Variants in ZNF516 observed in about 807,000 individuals in gnomAD.
The protein encoded by ZNF516 is zinc finger protein 516.
ZNF516 carries 19 observed loss-of-function variants against 79.7 expected under a neutral mutation model. The ratio of observed to expected loss-of-function variants is 0.24; its 90% CI spans 0.17 to 0.35. The LOEUF (loss-of-function observed/expected upper bound fraction) is 0.35, where lower values mean the gene tolerates loss of function less well. Among genes scored for constraint, ZNF516 ranks in the 10% least tolerant of loss-of-function variants. ZNF516 has a pLI of 1.00. For synonymous variants in ZNF516, 877 were observed against 739.5 expected, an observed-to-expected ratio of 1.19 and a Z score of -3.02; for missense variants, 1,678 against 1,679.5, an observed-to-expected ratio of 1.00 and a Z score of 0.02.
chr18:76,452,080 G>A (rs751278136), intron 2 of ZNF516, among the ~76,000 whole-genome samples: 7 of 152,076 alleles, frequency 4.6e-5, no homozygotes, highest in African/African-American at 1.2e-4. Flanking sequence ...AATAAAAGGC[G>A]ACCAGAATCG....
intron 4 of ZNF516, 82 bp from the exon 5 acceptor site, chr18:76,371,653 C>A: frequency 8.9e-7 from 1 of 1,124,828 alleles, no homozygotes; most frequent in Non-Finnish European, 1.3e-6. Flanking sequence ...GAGGGGGAAG[C>A]GAGAGGAAAA....
upstream of ZNF516, chr18:76,495,673 C>A: frequency 8.5e-7 from 1 of 1,179,872 alleles, no homozygotes; most frequent in Non-Finnish European, 1.1e-6. Context: ...CGTTTCCGCG[C>A]GCACACGCGC....
At chr18:76,441,111 T>C in intron 3 of ZNF516, 134 bp downstream of exon 3, 1 of 1,310,300 alleles carries the variant, frequency 7.6e-7, no homozygotes, top group Non-Finnish European at 1.0e-6. Flanking sequence ...TACCTGAGCA[T>C]AGGCCTAGCT....
intron 2 of ZNF516, among the ~76,000 whole-genome samples, chr18:76,450,307 G>A (rs954797189): frequency 6.6e-6 from 1 of 151,740 alleles, no homozygotes; most frequent in Admixed American, 6.6e-5. Flanking sequence ...AGCTCTGAGG[G>A]ACCTGGTAGG....
intron 3 of ZNF516, chr18:76,388,778 C>T (rs933358551): frequency 3.9e-5 from 6 of 152,190 alleles, no homozygotes; most frequent in Admixed American, 3.3e-4. Flanking sequence ...TCCTAGGAGA[C>T]CATGGGCTCA....
chr18:76,377,709 A>G (rs994033098), intron 4 of ZNF516, among the ~76,000 whole-genome samples: 1 of 142,828 alleles, frequency 7.0e-6, no homozygotes, highest in Non-Finnish European at 1.6e-5. Flanking sequence ...ACAGGCTTAC[A>G]ACGTTATTTT....
At chr18:76,402,726 G>A (rs565990624) in intron 3 of ZNF516, among the ~76,000 whole-genome samples, 6 of 152,366 alleles carry the variant, frequency 3.9e-5, no homozygotes, top group South Asian at 2.1e-4. Flanking sequence ...TGACTCTCAC[G>A]TGATTTCTCC....
At chr18:76,465,984 A>G (rs1026311818) in intron 1 of ZNF516, among the ~76,000 whole-genome samples, 3 of 152,030 alleles carry the variant, frequency 2.0e-5, no homozygotes, top group Admixed American at 6.6e-5. Context: ...TGTTCAACAC[A>G]CTTCCCAGTT....
rs2074835160 is a variant in ZNF516 at position 76,378,907 on chromosome 18, A to G, written c.3207T>C (p.Phe1069=). The G allele has an allele frequency of 2.5e-6, 4 of 1,613,806 alleles. No individual in the cohort carries two copies. Among genetic ancestry groups the G allele is most frequent in the Non-Finnish European group, 2.5e-6 (3 of 1,179,798 alleles). ...NIFKTYIPKD[F]ATLYQGWGVS... is the part of the protein sequence containing the mutation. ...CACCCCATCCCTGGTAGAGGGTCGC[A>G]AAGTCCTTTGGAATGTACGTCTTAA... Residue 1069 remains phenylalanine, a synonymous_variant, in exon 4 of 7, where the codon TTT becomes TTC. Coordinates refer to ENST00000443185, the MANE Select transcript of ZNF516 (RefSeq NM_014643.4).
In ZNF516 at chr18:76,491,179, C is replaced by T. The variant is rs936961312; in HGVS notation, c.-272+3965G>A. ...TTACCTGGGCTCCGCCGCGCCTCGG[C>T]CCCCGGAGCCCGGTCCACGCCGCCG... On this transcript the variant is annotated intron_variant, in intron 1 of 6. Transcript: ENST00000443185. 6 of 885,254 alleles carry T rather than the reference C, an allele frequency of 6.8e-6. No homozygotes were observed. The African/African-American group carries it at 9.1e-5, about 13-fold the overall frequency. 54.8% of individuals were successfully genotyped at this position (885,254 alleles called of 1,614,324 possible). A position where few individuals can be genotyped will look rare whatever the true frequency, so the allele number is the denominator to read the frequency against.
At chr18:76,439,132 C>G (rs1296427405) in intron 3 of ZNF516, among the ~76,000 whole-genome samples, 1 of 152,190 alleles carries the variant, frequency 6.6e-6, no homozygotes, top group Non-Finnish European at 1.5e-5. Context: ...CAAGCTAGCC[C>G]TGTGAAAGAC....
intron 2 of ZNF516, among the ~76,000 whole-genome samples, chr18:76,453,986 A>G (rs538453215): frequency 2.6e-5 from 4 of 152,352 alleles, no homozygotes; most frequent in African/African-American, 9.6e-5. Context: ...CTCCCAGTAT[A>G]AGAATACAGA....
intron 3 of ZNF516, among the ~76,000 whole-genome samples, chr18:76,402,685 G>A (rs1175271257): frequency 1.3e-5 from 2 of 152,210 alleles, no homozygotes; most frequent in Non-Finnish European, 1.5e-5. Flanking sequence ...CTCCTTAAAC[G>A]AACTTCAGAT....
intron 3 of ZNF516, among the ~76,000 whole-genome samples, chr18:76,389,897 G>T (rs575834571): frequency 1.6e-4 from 25 of 152,288 alleles, no homozygotes; most frequent in South Asian, 8.3e-4. Context: ...TGCTAGTCCT[G>T]CTCGGTCACA....
At chr18:76,471,060 A>G (rs948094470) in intron 1 of ZNF516, among the ~76,000 whole-genome samples, 3 of 152,200 alleles carry the variant, frequency 2.0e-5, no homozygotes, top group Admixed American at 2.0e-4. Context: ...CCTTTCAGAT[A>G]CTTTCTTTTA....
At chr18:76,479,912 G>A (rs991290311) in intron 1 of ZNF516, among the ~76,000 whole-genome samples, 3 of 152,142 alleles carry the variant, frequency 2.0e-5, no homozygotes, top group Non-Finnish European at 4.4e-5. Flanking sequence ...TAAACTGCTG[G>A]GATCCCCCAG....
rs780545317 is a variant in ZNF516, at chr18:76,443,099, G to A, written c.-45C>T. On this transcript the variant is annotated 5_prime_UTR_variant, in exon 3 of 7. Coordinates refer to ENST00000443185, the MANE Select transcript of ZNF516 (RefSeq NM_014643.4). ...GGTGGTGGCGGCACAGCTTTCTGTC[G>A]CGCGGGCTGCAGGGACCGTCCTATC... The A allele has an allele frequency of 9.1e-6, 14 of 1,532,360 alleles. No individual in the cohort carries two copies. Among genetic ancestry groups the A allele is most frequent in the East Asian group, 2.4e-5 (1 of 41,418 alleles). 94.9% of individuals were successfully genotyped at this position (1,532,360 alleles called of 1,614,324 possible).
intron 6 of ZNF516, among the ~76,000 whole-genome samples, chr18:76,369,008 G>A (rs1163336550): frequency 6.6e-6 from 1 of 152,218 alleles, no homozygotes; most frequent in Non-Finnish European, 1.5e-5. Flanking sequence ...CCAAAAGCCA[G>A]GTCTTTGGTG....
chr18:76,445,595 C>T (rs1024085943), intron 2 of ZNF516, among the ~76,000 whole-genome samples: 5 of 152,100 alleles, frequency 3.3e-5, no homozygotes, highest in African/African-American at 4.8e-5. Flanking sequence ...ATAGAAAATA[C>T]GTTTACAGGG....
Sources: gnomAD v4.1 joint callset for allele counts (sites outside exome capture counted in the v4.1 genomes callset) on GRCh38, gnomAD v4.1.1 for gene constraint, MANE v1.5 for transcripts, NCBI Gene and HGNC (gene_info 2026-07-23, HGNC 2026-07-21) for gene names.